Variants in RTF2 observed in about 807,000 individuals in gnomAD.
The protein encoded by RTF2 is replication termination factor 2.
In RTF2, 18 loss-of-function variants were observed where a neutral mutation model predicts 38.0. The ratio of observed to expected loss-of-function variants is 0.47; its 90% CI spans 0.33 to 0.70. The LOEUF is 0.70. Ranked by LOEUF, RTF2 falls within the 30% of genes least tolerant of loss-of-function variation. RTF2 has a pLI of 0.02. For missense variants in RTF2, 311 were observed against 379.6 expected (o/e 0.82, Z 1.50); for synonymous variants, 126 against 137.1 (o/e 0.92, Z 0.57).
At chr20:56,474,354 G>A (rs533551770) in intron 2 of RTF2, among the ~76,000 whole-genome samples, 12 of 152,070 alleles carry the variant, frequency 7.9e-5, no homozygotes, top group East Asian at 1.9e-4. Flanking sequence ...GGTGGCAGGC[G>A]CCTGTAATCC....
chr20:56,472,807 C>T (rs1336361223), intron 1 of RTF2, among the ~76,000 whole-genome samples: 5 of 151,914 alleles, frequency 3.3e-5, no homozygotes, highest in Admixed American at 1.3e-4. Flanking sequence ...TTTAGATGGG[C>T]GTTTATTTGA....
chr20:56,518,295 A>C lies in RTF2; in HGVS notation c.*30A>C. The C allele has an allele frequency of 6.3e-7, 1 of 1,595,592 alleles. No individual in the cohort carries two copies. Among genetic ancestry groups the C allele is most frequent in the African/African-American group, 1.3e-5 (1 of 74,118 alleles). On this transcript the variant is annotated 3_prime_UTR_variant, in exon 9 of 9. Transcript: ENST00000357348. ...CGCACTGCCACCGCTCCTGCCCCAG[A>C]AGGTTGTTTAGTTTCCACGTAGGCA...
At chr20:56,511,349 A>G (rs1422854597) in intron 5 of RTF2, among the ~76,000 whole-genome samples, 1 of 151,998 alleles carries the variant, frequency 6.6e-6, no homozygotes, top group African/African-American at 2.4e-5. Context: ...TGAGGGATCT[A>G]GGTTGCGTGC....
At chr20:56,508,160 A>G (rs1568709450) in intron 5 of RTF2, among the ~76,000 whole-genome samples, 1 of 152,216 alleles carries the variant, frequency 6.6e-6, no homozygotes, top group Non-Finnish European at 1.5e-5. Context: ...AGCTGATCTT[A>G]ACCTGAAAAT....
At chr20:56,497,435 T>C in intron 5 of RTF2, 2 of 1,542,366 alleles carry the variant, frequency 1.3e-6, no homozygotes, top group Non-Finnish European at 1.8e-6. Context: ...CCCCTTTCCC[T>C]TCAAATAAAG....
chr20:56,487,738 G>A (rs554599831), intron 5 of RTF2, among the ~76,000 whole-genome samples: 7 of 152,338 alleles, frequency 4.6e-5, no homozygotes, highest in Admixed American at 3.9e-4. Context: ...GGAGACTAAC[G>A]TCCAAAATCA....
chr20:56,470,367 C>G (rs923050787), intron 1 of RTF2, among the ~76,000 whole-genome samples: 1 of 152,106 alleles, frequency 6.6e-6, no homozygotes. Flanking sequence ...GCCAGAATGC[C>G]TAGGCAGGAT....
intron 5 of RTF2, among the ~76,000 whole-genome samples, chr20:56,508,254 T>A (rs922019329): frequency 6.6e-6 from 1 of 152,214 alleles, no homozygotes; most frequent in South Asian, 2.1e-4. Context: ...TGGTATCTTC[T>A]GTGCATTTGG....
At chr20:56,506,035 G>A (rs894596619) in intron 5 of RTF2, among the ~76,000 whole-genome samples, 9 of 152,162 alleles carry the variant, frequency 5.9e-5, no homozygotes, top group African/African-American at 1.9e-4. Flanking sequence ...GCACCGTCAC[G>A]TATGGGGATG....
At chr20:56,506,524 T>G (rs981836508) in intron 5 of RTF2, among the ~76,000 whole-genome samples, 1 of 152,324 alleles carries the variant, frequency 6.6e-6, no homozygotes, top group South Asian at 2.1e-4. Context: ...ATTTGACCAC[T>G]GTTCCCCTCT....
chr20:56,515,268 G>T (rs1984951121), intron 6 of RTF2, among the ~76,000 whole-genome samples: 2 of 152,028 alleles, frequency 1.3e-5, no homozygotes, highest in African/African-American at 4.8e-5. Flanking sequence ...ATCAAGCTCA[G>T]TTTTAAAAAA....
intron 5 of RTF2, among the ~76,000 whole-genome samples, chr20:56,503,156 C>G (rs539888304): frequency 4.6e-5 from 7 of 152,326 alleles, no homozygotes; most frequent in African/African-American, 1.4e-4. Flanking sequence ...TGTGGTGTCT[C>G]TTTCTCTCTG....
chr20:56,518,162 AAGAATCGG>A lies in RTF2; in HGVS notation c.821_828del (p.Glu274GlyfsTer45). On this transcript the variant is annotated frameshift_variant, in exon 9 of 9. Coordinates refer to ENST00000357348, the MANE Select transcript of RTF2 (RefSeq NM_016407.5). LOFTEE classifies it high-confidence loss of function. ...ACAAAGAGGTCCATCGCTGACAGTGAAGAATCGGAGGCCTACAAGTCCCTCTTTACCAC... is the reference window on the plus strand; with the variant it reads ...ACAAAGAGGTCCATCGCTGACAGTGAAGGCCTACAAGTCCCTCTTTACCAC... 1 of 1,614,160 alleles carries A rather than the reference AAGAATCGG, an allele frequency of 6.2e-7. No homozygotes were observed.
chr20:56,486,142 C>T (rs1269969483), intron 5 of RTF2, among the ~76,000 whole-genome samples: 1 of 152,066 alleles, frequency 6.6e-6, no homozygotes, highest in Non-Finnish European at 1.5e-5. Flanking sequence ...ATTTTGCTGT[C>T]CTTCAGACCT....
rs367644902 is a variant in RTF2 at position 56,474,697 on chromosome 20, G to A, written c.184G>A (p.Val62Ile). 1.6e-5 allele frequency: 25 copies of A among 1,608,642 alleles called. No individual in the cohort carries two copies. The highest frequency in any genetic ancestry group is 3.3e-4 in the Middle Eastern group (2 of 6,070). ...TTGCAGACTTTATAACAAAGATGCC[G>A]TCATTGAATTTCTCTTGGACAAATC... is the stretch of plus-strand genomic sequence containing the variant. ...ELGRLYNKDA[V>I]IEFLLDKSAE... The change falls in exon 3 of 9, where the codon GTC (valine) becomes ATC (isoleucine). Residue 62 changes from valine (V) to isoleucine (I), a missense_variant. Transcript: ENST00000357348.
At chr20:56,480,449 T>C (rs1355910959) in intron 4 of RTF2, among the ~76,000 whole-genome samples, 1 of 152,236 alleles carries the variant, frequency 6.6e-6, no homozygotes, top group East Asian at 1.9e-4. Context: ...ACTAAAACTT[T>C]CTTCATATCA....
intron 5 of RTF2, chr20:56,495,178 GT>G (rs1568701167): frequency 6.7e-7 from 1 of 1,502,214 alleles, no homozygotes; most frequent in East Asian, 2.5e-5. Flanking sequence ...AGCCTTTTTT[GT>G]TTTGTTTTGT....
chr20:56,507,823 G>A (rs138683751), intron 5 of RTF2, among the ~76,000 whole-genome samples: 19 of 152,288 alleles, frequency 1.2e-4, no homozygotes, highest in African/African-American at 4.6e-4. Flanking sequence ...CTACCACCTG[G>A]TTCTGTTCCT....
chr20:56,478,708 T>C (rs1224336642), intron 4 of RTF2, among the ~76,000 whole-genome samples: 1 of 152,098 alleles, frequency 6.6e-6, no homozygotes, highest in African/African-American at 2.4e-5. Context: ...TTGCTGAAGG[T>C]TCGGGTGGCT....
Sources: gnomAD v4.1 joint callset for allele counts (sites outside exome capture counted in the v4.1 genomes callset) on GRCh38, gnomAD v4.1.1 for gene constraint, MANE v1.5 for transcripts, NCBI Gene and HGNC (gene_info 2026-07-23, HGNC 2026-07-21) for gene names.